The following BEND4 variants were observed in gnomAD, a reference collection of about 807,000 sequenced individuals.
The protein encoded by BEND4 is BEN domain containing 4, also known as BEN domain-containing protein 4.
In BEND4, 27 loss-of-function variants were observed where a neutral mutation model predicts 54.7. The ratio of observed to expected loss-of-function variants is 0.49; its 90% CI spans 0.36 to 0.68. BEND4 has a LOEUF of 0.68. Ranked by LOEUF, BEND4 falls within the 30% of genes least tolerant of loss-of-function variation. The probability of loss-of-function intolerance (pLI) is 0.00; values close to 1 mark genes in which losing one functional copy is unlikely to be tolerated. For synonymous variants in BEND4, 327 were observed against 299.5 expected, an observed-to-expected ratio of 1.09 and a Z score of -0.95; for missense variants, 702 against 697.2, an observed-to-expected ratio of 1.01 and a Z score of -0.08.
In BEND4 at chr4:42,143,628, G is replaced by C. The variant is rs1720967753; in HGVS notation, c.854C>G (p.Ser285Cys). The part of the protein sequence containing the change: ...HLADVDPLST[S>C]PVHTLGGWTS... ...CCAGCCACCTAATGTATGCACAGGA[G>C]AGGTTGACAGAGGATCCACGTCGGC... Residue 285 changes from serine (S) to cysteine (C), a missense_variant, in exon 3 of 6, where the codon TCT becomes TGT. Ser to Cys is a moderately radical substitution (Grantham distance 112). Transcript: ENST00000502486. The C allele has an allele frequency of 6.2e-7, 1 of 1,611,886 alleles. No homozygotes were observed. The highest frequency in any genetic ancestry group is 1.7e-5 in the Admixed American group (1 of 59,694).
chr4:42,145,759 C>G (rs573550955), intron 2 of BEND4, among the ~76,000 whole-genome samples: 1 of 151,988 alleles, frequency 6.6e-6, no homozygotes, highest in South Asian at 2.1e-4. Context: ...AGGAAGCATG[C>G]CTTACATCTC....
chr4:42,117,734 T>G lies in BEND4; in HGVS notation c.1389A>C (p.Glu463Asp), dbSNP rs1409515239. The change falls in exon 6 of 6, where the codon GAA becomes GAC. Residue 463 changes from glutamate to aspartate, a missense_variant and splice_region_variant. By Grantham distance (45) the Glu-to-Asp change is conservative (BLOSUM62 2). Transcript: ENST00000502486. Reference protein sequence around the residue: ...LDPVKVTCLREFIRMHCTSNP... With the variant: ...LDPVKVTCLRDFIRMHCTSNP... Reference sequence around the variant, plus strand: ...TGGAGGTACAATGCATCCTAATGAATTCTGCAGGAATATATACAACATCAA... The same window carrying G: ...TGGAGGTACAATGCATCCTAATGAAGTCTGCAGGAATATATACAACATCAA... The G allele has an allele frequency of 3.8e-6, 6 of 1,590,764 alleles. No homozygotes were observed. The highest frequency in any genetic ancestry group is 5.1e-6 in the Non-Finnish European group (6 of 1,166,824).
At chr4:42,127,007 AATATTTAACC>A (rs1720314555) in intron 3 of BEND4, among the ~76,000 whole-genome samples, 1 of 152,214 alleles carries the variant, frequency 6.6e-6, no homozygotes. Flanking sequence ...GAAAATAATA[AATATTTAACC>A]TAAGCCCTAA....
chr4:42,137,038 A>T (rs1720720570), intron 3 of BEND4, among the ~76,000 whole-genome samples: 1 of 152,144 alleles, frequency 6.6e-6, no homozygotes, highest in Non-Finnish European at 1.5e-5. Context: ...ATGGTGAATA[A>T]TGAGAATCAG....
intron 4 of BEND4, among the ~76,000 whole-genome samples, chr4:42,122,019 T>G (rs1185342692): frequency 6.6e-6 from 1 of 151,826 alleles, no homozygotes; most frequent in East Asian, 1.9e-4. Context: ...TCAGGGAGGC[T>G]GGGTGGGCCG....
intron 4 of BEND4, among the ~76,000 whole-genome samples, chr4:42,124,210 G>A (rs568282116): frequency 3.9e-5 from 6 of 152,266 alleles, no homozygotes; most frequent in Admixed American, 2.0e-4. Flanking sequence ...AAAGTTAGCT[G>A]GGCGTGGTGG....
rs902920269 is a variant in BEND4, at chr4:42,140,781, C to G, written c.1054+2647G>C. Reference sequence around the variant, plus strand: ...TACTTGGGACATTTGTGTCACCTGTCCTTGCACTCTGAAACTCTTTCCCAA... The same window carrying G: ...TACTTGGGACATTTGTGTCACCTGTGCTTGCACTCTGAAACTCTTTCCCAA... On this transcript the variant is annotated intron_variant, in intron 3 of 5. Coordinates refer to ENST00000502486, the MANE Select transcript of BEND4 (RefSeq NM_207406.4). 5.3e-5 allele frequency among the ~76,000 whole-genome samples: 8 copies of G among 152,156 alleles called. No individual in the cohort carries two copies. In the South Asian group the frequency reaches 6.2e-4, roughly 12 times the overall value.
rs1719763367 is a variant in BEND4, at chr4:42,115,375, G to C, written c.*2143C>G. 1 of 152,224 alleles carries C rather than the reference G, an allele frequency of 6.6e-6. No individual in the cohort carries two copies. Among genetic ancestry groups the C allele is most frequent in the Admixed American group, 6.5e-5 (1 of 15,282 alleles). 9.4% of individuals were successfully genotyped at this position (152,224 alleles called of 1,614,324 possible). ...TGTACGGCCATGGAGCAGGGGTGCA[G>C]AAAGTGCTCTCATCAGCCTCAGCGA... On this transcript the variant is annotated 3_prime_UTR_variant, in exon 6 of 6. Transcript: ENST00000502486.
At chr4:42,132,092 C>A (rs1231523213) in intron 3 of BEND4, among the ~76,000 whole-genome samples, 1 of 152,232 alleles carries the variant, frequency 6.6e-6, no homozygotes, top group Admixed American at 6.5e-5. Context: ...TGATCCTGAC[C>A]CACAGCTACA....
chr4:42,123,696 A>AAAAAAAAAAAAAAAAAAAAAAC (rs1720150259), intron 4 of BEND4, among the ~76,000 whole-genome samples: 1 of 113,038 alleles, frequency 8.8e-6, no homozygotes. Context: ...GTAATTCAGA[A>AAAAAAAAAAAAAAAAAAAAAAC]AAAAAAAAAA....
chr4:42,120,961 C>T (rs1011943329), intron 4 of BEND4, among the ~76,000 whole-genome samples: 6 of 152,120 alleles, frequency 3.9e-5, no homozygotes, highest in South Asian at 2.1e-4. Context: ...ATAAAATTCC[C>T]GGGCTAAATA....
In BEND4 at chr4:42,130,139, A is replaced by G. The variant is rs1234263350; in HGVS notation, c.1055-4465T>C. 2.0e-5 allele frequency among the ~76,000 whole-genome samples: 3 copies of G among 152,222 alleles called. No individual in the cohort carries two copies. The East Asian group carries it at 5.8e-4, about 29-fold the overall frequency. On this transcript the variant is annotated intron_variant, in intron 3 of 5. Coordinates refer to ENST00000502486, the MANE Select transcript of BEND4 (RefSeq NM_207406.4). ...GAAGACATTTATGTGGCCAACAAAC[A>G]TATGAAAAAAAGTTCAACAACACTG...
At chr4:42,147,819 G>A (rs571887854) in intron 2 of BEND4, among the ~76,000 whole-genome samples, 3 of 152,042 alleles carry the variant, frequency 2.0e-5, no homozygotes, top group Non-Finnish European at 2.9e-5. Flanking sequence ...TCCTATATCT[G>A]ATAAGTGAAT....
In BEND4 at chr4:42,152,302, G is replaced by A; in HGVS notation, c.-159C>T. ...GCCGCCGCCGCCGCCGCCTGTCGCT[G>A]AGGCTGGCATCGCCGAGCCCCCGCG... On this transcript the variant is annotated 5_prime_UTR_variant, in exon 2 of 6. Transcript: ENST00000502486. 1.5e-6 allele frequency: 1 copy of A among 681,238 alleles called. No individual in the cohort carries two copies. The highest frequency in any genetic ancestry group is 2.0e-6 in the Non-Finnish European group (1 of 493,946). 42.2% of individuals were successfully genotyped at this position (681,238 alleles called of 1,614,324 possible). A position where few individuals can be genotyped will look rare whatever the true frequency, so the allele number is the denominator to read the frequency against.
intron 4 of BEND4, among the ~76,000 whole-genome samples, chr4:42,124,470 G>A (rs549091213): frequency 2.0e-4 from 30 of 152,260 alleles, no homozygotes; most frequent in Non-Finnish European, 3.2e-4. Flanking sequence ...TCATGAAGGC[G>A]TCATAGGAAG....
intron 3 of BEND4, among the ~76,000 whole-genome samples, chr4:42,135,013 A>C (rs138162730): frequency 1.1e-3 from 164 of 152,322 alleles, no homozygotes; most frequent in African/African-American, 3.7e-3. Flanking sequence ...TCCATAGACT[A>C]TTTGAAGCCC....
intron 2 of BEND4, among the ~76,000 whole-genome samples, chr4:42,149,834 G>C (rs1362613673): frequency 6.6e-6 from 1 of 152,106 alleles, no homozygotes; most frequent in African/African-American, 2.4e-5. Context: ...AGCAATACAG[G>C]AAATATATAG....
At position 42,115,020 on chromosome 4, in the gene BEND4, G is replaced by A. The variant is rs976866270; in HGVS notation, c.*2498C>T. On this transcript the variant is annotated 3_prime_UTR_variant, in exon 6 of 6. Transcript: ENST00000502486. ...ATCTCACTCAGGAGCAAAAGTCGTA[G>A]GAACATTTCACTCAGGCAAAAGCTG... 1.3e-5 allele frequency: 2 copies of A among 152,226 alleles called. No individual in the cohort carries two copies. Among genetic ancestry groups the A allele is most frequent in the Non-Finnish European group, 2.9e-5 (2 of 68,096 alleles). 9.4% of individuals were successfully genotyped at this position (152,226 alleles called of 1,614,324 possible). A position where few individuals can be genotyped will look rare whatever the true frequency, so the allele number is the denominator to read the frequency against.
At chr4:42,144,166 T>C in intron 2 of BEND4, 172 bp from the exon 3 acceptor site, 1 of 652,168 alleles carries the variant, frequency 1.5e-6, no homozygotes, top group Non-Finnish European at 2.7e-6. Context: ...TAGCTTCCTG[T>C]TGTTCTGCGA....
Sources: gnomAD v4.1 joint callset for allele counts (sites outside exome capture counted in the v4.1 genomes callset) on GRCh38, gnomAD v4.1.1 for gene constraint, MANE v1.5 for transcripts, NCBI Gene and HGNC (gene_info 2026-07-23, HGNC 2026-07-21) for gene names.